DEPDC1B: variants seen among roughly 807,000 people sequenced by gnomAD.
DEPDC1B encodes the protein DEP domain containing 1B.
A neutral mutation model predicts 66.5 loss-of-function variants in DEPDC1B; 51 were observed. That is an observed-to-expected ratio of 0.77 (90% CI 0.61 to 0.97). The LOEUF (loss-of-function observed/expected upper bound fraction) is 0.97, where lower values mean the gene tolerates loss of function less well. Among genes scored for constraint, DEPDC1B ranks in the 50% least tolerant of loss-of-function variants. The probability of loss-of-function intolerance (pLI) is 0.00; values close to 1 mark genes in which losing one functional copy is unlikely to be tolerated. For synonymous variants in DEPDC1B, 226 were observed against 223.6 expected (o/e 1.01, Z -0.10); for missense variants, 552 against 637.1 (o/e 0.87, Z 1.44).
intron 6 of DEPDC1B, 59 bp from the exon 7 acceptor site, chr5:60,638,949 A>G: frequency 1.3e-6 from 2 of 1,569,544 alleles, no homozygotes; most frequent in Non-Finnish European, 1.7e-6. Context: ...TCTAAGTATT[A>G]TTCTCTGTGA....
chr5:60,690,715 T>C (rs749434981), intron 1 of DEPDC1B, among the ~76,000 whole-genome samples: 22 of 152,232 alleles, frequency 1.4e-4, no homozygotes, highest in Admixed American at 2.0e-4. Context: ...TTCTTTAAAC[T>C]GTATTTCTGA....
intron 2 of DEPDC1B, among the ~76,000 whole-genome samples, chr5:60,684,439 T>G (rs1192762023): frequency 1.3e-5 from 2 of 151,950 alleles, no homozygotes; most frequent in Non-Finnish European, 2.9e-5. Context: ...CAGAAATAAA[T>G]CCATGTGTTT....
intron 2 of DEPDC1B, among the ~76,000 whole-genome samples, chr5:60,653,710 T>C (rs7719726): frequency 0.56 from 80,915 of 145,402 alleles, 24,214 homozygotes; most frequent in East Asian, 0.75. Flanking sequence ...AGGGTTTTTC[T>C]GATGTTCTGC....
chr5:60,618,913 A>T (rs1752634035), intron 7 of DEPDC1B, among the ~76,000 whole-genome samples: 1 of 152,246 alleles, frequency 6.6e-6, no homozygotes, highest in Non-Finnish European at 1.5e-5. Flanking sequence ...AACCGAATCC[A>T]GCAGCACATC....
At chr5:60,620,526 G>A (rs1426475748) in intron 7 of DEPDC1B, among the ~76,000 whole-genome samples, 3 of 152,134 alleles carry the variant, frequency 2.0e-5, no homozygotes, top group African/African-American at 4.8e-5. Context: ...GCAGCCAAAA[G>A]ACACATGAAA....
chr5:60,617,396 T>A (rs574801578), intron 7 of DEPDC1B, among the ~76,000 whole-genome samples: 27 of 152,196 alleles, frequency 1.8e-4, no homozygotes, highest in African/African-American at 6.3e-4. Flanking sequence ...GAAACCCATC[T>A]CACATGCAGA....
At chr5:60,644,083 A>C (rs971584509) in intron 5 of DEPDC1B, among the ~76,000 whole-genome samples, 4 of 152,354 alleles carry the variant, frequency 2.6e-5, no homozygotes, top group South Asian at 4.1e-4. Flanking sequence ...AACTAAAGGA[A>C]GAACAAATCA....
intron 7 of DEPDC1B, among the ~76,000 whole-genome samples, chr5:60,606,895 C>T (rs554052217): frequency 2.0e-4 from 30 of 152,080 alleles, no homozygotes; most frequent in African/African-American, 6.7e-4. Context: ...ATCAGTTTAT[C>T]TGTCCTATAT....
intron 7 of DEPDC1B, among the ~76,000 whole-genome samples, chr5:60,635,208 C>A (rs1470207495): frequency 1.3e-5 from 2 of 151,156 alleles, no homozygotes; most frequent in African/African-American, 4.9e-5. Flanking sequence ...AAAAACAAAA[C>A]AAAAAAAAAT....
intron 7 of DEPDC1B, chr5:60,630,413 G>A (rs1158711669): frequency 6.6e-6 from 1 of 152,326 alleles, no homozygotes; most frequent in Admixed American, 6.5e-5. Flanking sequence ...GGAGGACATG[G>A]AGACCAAGAG....
At chr5:60,684,778 C>T (rs1483491853) in intron 2 of DEPDC1B, among the ~76,000 whole-genome samples, 1 of 151,988 alleles carries the variant, frequency 6.6e-6, no homozygotes, top group Non-Finnish European at 1.5e-5. Context: ...GCATAGCAAA[C>T]AACACAATGA....
At chr5:60,613,313 G>A (rs1752461862) in intron 7 of DEPDC1B, among the ~76,000 whole-genome samples, 1 of 152,142 alleles carries the variant, frequency 6.6e-6, no homozygotes, top group African/African-American at 2.4e-5. Context: ...ATATTCAACA[G>A]GAAGATGATG....
chr5:60,635,891 T>C (rs1753034004), intron 7 of DEPDC1B, among the ~76,000 whole-genome samples: 1 of 152,206 alleles, frequency 6.6e-6, no homozygotes, highest in Non-Finnish European at 1.5e-5. Flanking sequence ...GTTTTCATGG[T>C]GAATTTATGT....
chr5:60,666,469 G>A (rs1385752646), intron 2 of DEPDC1B, among the ~76,000 whole-genome samples: 1 of 152,080 alleles, frequency 6.6e-6, no homozygotes, highest in Non-Finnish European at 1.5e-5. Flanking sequence ...ACACCTCGAT[G>A]TGGTACTCTC....
chr5:60,674,534 C>T (rs929707723), intron 2 of DEPDC1B, among the ~76,000 whole-genome samples: 10 of 152,172 alleles, frequency 6.6e-5, no homozygotes, highest in Non-Finnish European at 1.5e-4. Context: ...TCCTGTGCTT[C>T]AGTGCCTACA....
chr5:60,626,445 A>C (rs1752810042), intron 7 of DEPDC1B, among the ~76,000 whole-genome samples: 1 of 152,134 alleles, frequency 6.6e-6, no homozygotes, highest in African/African-American at 2.4e-5. Flanking sequence ...CTAAAAGTGA[A>C]ATTTCTATAT....
chr5:60,676,733 C>A (rs2112003171), intron 2 of DEPDC1B, among the ~76,000 whole-genome samples: 1 of 152,284 alleles, frequency 6.6e-6, no homozygotes, highest in South Asian at 2.1e-4. Context: ...TGCTCCTCCT[C>A]CGTCTCCTTC....
intron 7 of DEPDC1B, among the ~76,000 whole-genome samples, chr5:60,613,912 A>T (rs1214569200): frequency 6.6e-6 from 1 of 151,900 alleles, no homozygotes; most frequent in African/African-American, 2.4e-5. Context: ...ACCACCCAAG[A>T]GATTACTTAT....
chr5:60,605,992 G>T, intron 7 of DEPDC1B, 136 bp from the exon 8 acceptor site: 1 of 689,982 alleles, frequency 1.4e-6, no homozygotes, highest in Non-Finnish European at 2.2e-6. Flanking sequence ...TGGGTCAATT[G>T]AATATAGATC....
Sources: gnomAD v4.1 joint callset for allele counts (sites outside exome capture counted in the v4.1 genomes callset) on GRCh38, gnomAD v4.1.1 for gene constraint, MANE v1.5 for transcripts, NCBI Gene and HGNC (gene_info 2026-07-23, HGNC 2026-07-21) for gene names.